The following TEAD3 variants were observed in gnomAD, a reference collection of about 807,000 sequenced individuals.
The protein encoded by TEAD3 is transcriptional enhancer factor TEF-5.
Under a neutral mutation model 55.6 loss-of-function variants are expected in TEAD3, and 15 were observed. The observed-to-expected ratio is 0.27, with a 90% CI of 0.18 to 0.42. The LOEUF (loss-of-function observed/expected upper bound fraction) is 0.42, where lower values mean the gene tolerates loss of function less well. TEAD3 is among the 10% of genes least tolerant of loss of function. TEAD3 has a pLI of 1.00. For missense variants in TEAD3, 407 were observed against 576.8 expected (o/e 0.71, Z 3.01); for synonymous variants, 210 against 232.2 (o/e 0.90, Z 0.87).
At chr6:35,476,302 C>T (rs1167647410) in exon 9 of TEAD3, 12 of 1,611,702 alleles carry the variant, frequency 7.4e-6, no homozygotes, top group Non-Finnish European at 1.0e-5. Flanking sequence ...AACACGTTAC[C>T]GTGTCAGGGT....
At chr6:35,480,889 T>C (rs924956877) in intron 3 of TEAD3, among the ~76,000 whole-genome samples, 3 of 152,126 alleles carry the variant, frequency 2.0e-5, no homozygotes, top group African/African-American at 7.2e-5. Context: ...CTTTTTCTTA[T>C]TGGCACCACA....
intron 1 of TEAD3, among the ~76,000 whole-genome samples, chr6:35,490,067 C>T (rs1042096731): frequency 6.6e-6 from 1 of 152,020 alleles, no homozygotes; most frequent in African/African-American, 2.4e-5. Flanking sequence ...GAGCTAAGGC[C>T]CCTCTTAACC....
At chr6:35,493,837 A>G (rs938755929) in intron 1 of TEAD3, among the ~76,000 whole-genome samples, 2 of 152,174 alleles carry the variant, frequency 1.3e-5, no homozygotes, top group Non-Finnish European at 2.9e-5. Flanking sequence ...AGGTCACTTG[A>G]GCATCAGAGC....
At chr6:35,478,375 C>A in intron 6 of TEAD3, 51 bp from the exon 7 acceptor site, 2 of 1,613,720 alleles carry the variant, frequency 1.2e-6, no homozygotes, top group Middle Eastern at 1.6e-4. Flanking sequence ...ATGAACCCCA[C>A]TAAAGCTCAT....
rs568001581 is a variant in TEAD3, at chr6:35,479,169, C to T, written c.342+136G>A. ...CTGGGATTACAGGCGTGAGCCACCA[C>T]GCCCAGCCATTTCGTTTTTTTAAAA... On this transcript the variant is annotated intron_variant, in intron 5 of 12. Coordinates refer to ENST00000639578, the Ensembl canonical transcript of TEAD3. 105 of 1,152,990 alleles carry T rather than the reference C, an allele frequency of 9.1e-5. No individual in the cohort carries two copies. In the African/African-American group the frequency reaches 1.4e-3, roughly 15 times the overall value. The allele number at this position is 1,152,990 out of a possible 1,614,324, so 71.4% of individuals were successfully genotyped here.
chr6:35,476,605 G>A (rs1466873249), intron 8 of TEAD3, among the ~76,000 whole-genome samples, 170 bp from the exon 9 acceptor site: 1 of 152,214 alleles, frequency 6.6e-6, no homozygotes, highest in Non-Finnish European at 1.5e-5. Context: ...ATACGTGGTG[G>A]CCCTAGTAGT....
rs1323300366 is a variant in TEAD3, at chr6:35,484,636, T to C, written c.203-12A>G. Reference sequence around the variant, plus strand: ...CAACTCATTTCGGCCTAGATTGGGGTGAGAGAGAAAATGAGGAGTGGGCAA... The same window carrying C: ...CAACTCATTTCGGCCTAGATTGGGGCGAGAGAGAAAATGAGGAGTGGGCAA... On this transcript the variant is annotated splice_polypyrimidine_tract_variant and intron_variant, in intron 2 of 12. Coordinates refer to ENST00000639578, the Ensembl canonical transcript of TEAD3. This position sits in a 1 kb window ranked among gnomAD's most constrained non-coding sequence, Gnocchi z 5.8. 1.3e-6 allele frequency: 2 copies of C among 1,586,198 alleles called. No individual in the cohort carries two copies. Among genetic ancestry groups the C allele is most frequent in the Non-Finnish European group, 1.7e-6 (2 of 1,165,954 alleles).
At chr6:35,489,510 C>A (rs141850833) in intron 1 of TEAD3, among the ~76,000 whole-genome samples, 1 of 152,146 alleles carries the variant, frequency 6.6e-6, no homozygotes, top group African/African-American at 2.4e-5. Context: ...AACTTGAAGA[C>A]CCCCGCACTG....
chr6:35,490,119 C>T (rs1768477825), intron 1 of TEAD3, among the ~76,000 whole-genome samples: 1 of 152,148 alleles, frequency 6.6e-6, no homozygotes, highest in Non-Finnish European at 1.5e-5. Flanking sequence ...GCCCAGGCAG[C>T]CCCAGACTTT....
In TEAD3 at chr6:35,475,592, CA is replaced by C; in HGVS notation, c.1014del (p.Phe338LeufsTer6). 1 of 1,612,234 alleles carries C rather than the reference CA, an allele frequency of 6.2e-7. No individual in the cohort carries two copies. Among genetic ancestry groups the C allele is most frequent in the South Asian group, 1.1e-5 (1 of 90,920 alleles). On this transcript the variant is annotated frameshift_variant, in exon 11 of 13. Transcript: ENST00000639578. LOFTEE classifies it high-confidence loss of function. This position sits in a 1 kb window ranked among gnomAD's most constrained non-coding sequence, Gnocchi z 5.4. ...TCCACCTTCTCTACCACCTGTTTGC[CA>C]AAGGAGCACACCTTGGTGGAGACGC...
In TEAD3 at chr6:35,475,902, A is replaced by C. The variant is rs371027061; in HGVS notation, c.900+17T>G. 21 of 1,515,748 alleles carry C rather than the reference A, an allele frequency of 1.4e-5. No homozygotes were observed. In the African/African-American group the frequency reaches 2.4e-4, roughly 17 times the overall value. The allele number at this position is 1,515,748 out of a possible 1,614,324, so 93.9% of individuals were successfully genotyped here. On this transcript the variant is annotated intron_variant, in intron 10 of 12. Transcript: ENST00000639578. The surrounding 1 kb of genome is among the most constrained non-coding windows in gnomAD (Gnocchi z 5.4). Reference sequence around the variant, plus strand: ...TGGGGAAGGGGGCTTGGAGCAGAGAAGGCCAGGGGGACTCACCCAGAACTT... The same window carrying C: ...TGGGGAAGGGGGCTTGGAGCAGAGACGGCCAGGGGGACTCACCCAGAACTT...
chr6:35,488,758 C>A lies in TEAD3; in HGVS notation c.-49-2047G>T, dbSNP rs1768439497. Among the ~76,000 whole-genome samples the A allele has an allele frequency of 6.6e-6, 1 of 152,050 alleles. No homozygotes were observed. Among genetic ancestry groups the A allele is most frequent in the Non-Finnish European group, 1.5e-5 (1 of 68,010 alleles). On this transcript the variant is annotated intron_variant, in intron 1 of 12. Transcript: ENST00000639578. This position sits in a 1 kb window ranked among gnomAD's most constrained non-coding sequence, Gnocchi z 4.2. ...TTTATTTTTTAGACGGAGTCTTGCT[C>A]TGTCGCCCAGGCTAGAGTGCAATGG...
At chr6:35,487,920 G>A (rs1768421234) in intron 1 of TEAD3, among the ~76,000 whole-genome samples, 1 of 152,132 alleles carries the variant, frequency 6.6e-6, no homozygotes, top group Admixed American at 6.5e-5. Context: ...AGCTCTCCCT[G>A]TCAGCTCCTC....
chr6:35,480,941 T>G (rs1768254692), intron 3 of TEAD3, among the ~76,000 whole-genome samples: 1 of 152,056 alleles, frequency 6.6e-6, no homozygotes, highest in African/African-American at 2.4e-5. Flanking sequence ...GCCACTAGCT[T>G]ATACACCAAG....
At chr6:35,474,948 T>C (rs1581720293) in exon 13 of TEAD3, 6 of 1,059,634 alleles carry the variant, frequency 5.7e-6, no homozygotes, top group South Asian at 1.7e-5. Context: ...GCCTGGCAGG[T>C]AGATGAATCC....
rs760435941 is a variant in TEAD3 at position 35,475,071 on chromosome 6, G to C, written c.1281C>G (p.His427Gln). 6.3e-7 allele frequency: 1 copy of C among 1,595,022 alleles called. No individual in the cohort carries two copies. The highest frequency in any genetic ancestry group is 1.8e-5 in the Admixed American group (1 of 57,136). The stretch of plus-strand genomic sequence containing the variant: ...AGTCTTTGACGAGCTTGTAGACATG[G>C]TGCTGGGCCCCGTGCTCACTGGTGG... Residue 427 changes from histidine (H) to glutamine (Q), a missense_variant, in exon 13 of 13, where the codon CAC (histidine) becomes CAG (glutamine). His to Gln is a conservative substitution (Grantham distance 24). Coordinates refer to ENST00000639578, the Ensembl canonical transcript of TEAD3. The surrounding 1 kb of genome is among the most constrained non-coding windows in gnomAD (Gnocchi z 5.4).
intron 8 of TEAD3, among the ~76,000 whole-genome samples, chr6:35,476,986 C>T (rs982805985): frequency 6.6e-6 from 1 of 152,186 alleles, no homozygotes; most frequent in African/African-American, 2.4e-5. Flanking sequence ...CCACGCCCAG[C>T]TAATTTTTGT....
At position 35,496,159 on chromosome 6, in the gene TEAD3, C is replaced by G. The variant is rs922907134; in HGVS notation, c.-50+739G>C. 8.5e-5 allele frequency among the ~76,000 whole-genome samples: 13 copies of G among 152,196 alleles called. No individual in the cohort carries two copies. Among genetic ancestry groups the G allele is most frequent in the African/African-American group, 2.9e-4 (12 of 41,454 alleles). On this transcript the variant is annotated intron_variant, in intron 1 of 12. Transcript: ENST00000639578. The surrounding 1 kb of genome is among the most constrained non-coding windows in gnomAD (Gnocchi z 4.8). ...GGTAGGAAGCGGGAGACCAGCCACC[C>G]TCAAACCTTGTCAAGTCTAAACAAG...
At chr6:35,490,840 T>TG (rs1384264389) in intron 1 of TEAD3, among the ~76,000 whole-genome samples, 1 of 151,322 alleles carries the variant, frequency 6.6e-6, no homozygotes, top group African/African-American at 2.4e-5. Context: ...GGTGGAGGGG[T>TG]GGGACATCTA....
Sources: allele counts gnomAD v4.1 joint callset (sites outside exome capture counted in the v4.1 genomes callset), GRCh38; gene constraint gnomAD v4.1.1; non-coding constraint Gnocchi (gnomAD v3.1); transcripts MANE v1.5; gene names NCBI Gene and HGNC (gene_info 2026-07-23, HGNC 2026-07-21).